The following IPCEF1 variants were observed in gnomAD, a reference collection of about 807,000 sequenced individuals.
IPCEF1 encodes the protein interactor protein for cytohesin exchange factors 1.
In IPCEF1, 31 loss-of-function variants were observed where a neutral mutation model predicts 50.9. The ratio of observed to expected loss-of-function variants is 0.61; its 90% confidence interval spans 0.46 to 0.82. The LOEUF (loss-of-function observed/expected upper bound fraction) is 0.82, where lower values mean the gene tolerates loss of function less well. Ranked by LOEUF, IPCEF1 falls within the 40% of genes least tolerant of loss-of-function variation. The pLI is 0.00. For missense variants in IPCEF1, 458 were observed against 514.0 expected (o/e 0.89, Z 1.05); for synonymous variants, 181 against 192.0 (o/e 0.94, Z 0.47).
chr6:154,303,027 C>A (rs1271332467), intron 1 of IPCEF1, among the ~76,000 whole-genome samples: 1 of 150,966 alleles, frequency 6.6e-6, no homozygotes, highest in Non-Finnish European at 1.5e-5. Context: ...AACCCAACAG[C>A]TTTAGTAAAT....
At chr6:154,322,604 G>A (rs555185268) in intron 1 of IPCEF1, among the ~76,000 whole-genome samples, 5 of 152,176 alleles carry the variant, frequency 3.3e-5, no homozygotes, top group East Asian at 3.9e-4. Context: ...TTGGGAGGCC[G>A]AGGGAGGCAG....
chr6:154,169,191 T>A (rs1235228276), intron 10 of IPCEF1, among the ~76,000 whole-genome samples: 1 of 151,972 alleles, frequency 6.6e-6, no homozygotes, highest in Non-Finnish European at 1.5e-5. Context: ...TAAAACCCGT[T>A]GTCTACTAAA....
At chr6:154,160,340 A>G (rs1746817529) in intron 11 of IPCEF1, among the ~76,000 whole-genome samples, 1 of 152,160 alleles carries the variant, frequency 6.6e-6, no homozygotes, top group South Asian at 2.1e-4. Context: ...TAACAATTCT[A>G]CCTTGGTGTG....
In IPCEF1 at chr6:154,159,547, T is replaced by TC. The variant is rs1266611285; in HGVS notation, c.*280dup. On this transcript the variant is annotated 3_prime_UTR_variant, in exon 12 of 12. Transcript: ENST00000367220. ...ATGAACAGAAGAGACATTTCTCACA[T>TC]CCCCCCTAGAGCCCCACATCACCGT... The TC allele has an allele frequency of 7.1e-6, 3 of 424,616 alleles. No individual in the cohort carries two copies. Among genetic ancestry groups the TC allele is most frequent in the African/African-American group, 2.1e-5 (1 of 47,776 alleles). 26.3% of individuals were successfully genotyped at this position (424,616 alleles called of 1,614,324 possible).
chr6:154,278,747 T>TA (rs1051659063), intron 2 of IPCEF1, among the ~76,000 whole-genome samples: 9 of 151,662 alleles, frequency 5.9e-5, no homozygotes, highest in African/African-American at 1.9e-4. Flanking sequence ...GATTAAAAGG[T>TA]AAAAAATCAA....
intron 1 of IPCEF1, among the ~76,000 whole-genome samples, chr6:154,332,496 G>A (rs1783696397): frequency 6.6e-6 from 1 of 152,036 alleles, no homozygotes; most frequent in Non-Finnish European, 1.5e-5. Flanking sequence ...AAGATGCTAT[G>A]TTTCAAGAAT....
chr6:154,328,911 A>C (rs890268224), intron 1 of IPCEF1, among the ~76,000 whole-genome samples: 2 of 152,252 alleles, frequency 1.3e-5, no homozygotes, highest in East Asian at 3.8e-4. Flanking sequence ...TGAACTTCAA[A>C]GTATTCTGTA....
At chr6:154,273,250 C>T (rs942671803) in intron 2 of IPCEF1, among the ~76,000 whole-genome samples, 3 of 152,170 alleles carry the variant, frequency 2.0e-5, no homozygotes, top group African/African-American at 4.8e-5. Context: ...CACAGGCAAA[C>T]AATGTGCGTT....
intron 3 of IPCEF1, among the ~76,000 whole-genome samples, chr6:154,261,821 A>G (rs1781609212): frequency 1.3e-5 from 2 of 151,998 alleles, no homozygotes; most frequent in Non-Finnish European, 2.9e-5. Flanking sequence ...CCTTCCCCCT[A>G]CCCCCAACAA....
rs1436595132 is a variant in IPCEF1 at position 154,157,544 on chromosome 6, A to G, written c.*2284T>C. 6.6e-6 allele frequency: 1 copy of G among 152,242 alleles called. No individual in the cohort carries two copies. The highest frequency in any genetic ancestry group is 6.5e-5 in the Admixed American group (1 of 15,292). The allele number at this position is 152,242 out of a possible 1,614,324, so 9.4% of individuals were successfully genotyped here. A position where few individuals can be genotyped will look rare whatever the true frequency, so the allele number is the denominator to read the frequency against. On this transcript the variant is annotated 3_prime_UTR_variant, in exon 12 of 12. Transcript: ENST00000367220. Reference sequence around the variant, plus strand: ...CTTTTTTGCCTTAAGTTTCAATGGTACTAAAGGAGTTTACAGTTGAAAGGC... The same window carrying G: ...CTTTTTTGCCTTAAGTTTCAATGGTGCTAAAGGAGTTTACAGTTGAAAGGC...
At chr6:154,352,757 T>G (rs1193168685) in intron 1 of IPCEF1, among the ~76,000 whole-genome samples, 1 of 152,208 alleles carries the variant, frequency 6.6e-6, no homozygotes, top group Non-Finnish European at 1.5e-5. Flanking sequence ...AGGGCCAAGA[T>G]TCTAACAACA....
Position 154,160,060 on chromosome 6 carries a change from G to A in IPCEF1, c.1105-20C>T, listed in dbSNP as rs1157675327. The A allele has an allele frequency of 6.4e-7, 1 of 1,571,018 alleles. No homozygotes were observed. The highest frequency in any genetic ancestry group is 8.7e-7 in the Non-Finnish European group (1 of 1,146,972). ...TTTACACTGTGTGAGTAGAAAAAAA[G>A]GGGAAGGGGGTATGTTGAGAGTGTC... On this transcript the variant is annotated intron_variant, in intron 11 of 11. Transcript: ENST00000367220.
At chr6:154,265,108 A>G (rs1322294367) in intron 3 of IPCEF1, among the ~76,000 whole-genome samples, 1 of 152,144 alleles carries the variant, frequency 6.6e-6, no homozygotes, top group Non-Finnish European at 1.5e-5. Context: ...CACTCCCCAC[A>G]GTCCCTTCTA....
At chr6:154,188,049 T>C (rs1801536966) in intron 10 of IPCEF1, among the ~76,000 whole-genome samples, 1 of 152,134 alleles carries the variant, frequency 6.6e-6, no homozygotes, top group South Asian at 2.1e-4. Context: ...GTAGCAGATA[T>C]AGTGTTTGGA....
intron 1 of IPCEF1, among the ~76,000 whole-genome samples, chr6:154,298,176 T>A (rs1782710173): frequency 6.6e-6 from 1 of 152,202 alleles, no homozygotes; most frequent in South Asian, 2.1e-4. Flanking sequence ...AATGGCAGAA[T>A]GCAAAGATTG....
intron 1 of IPCEF1, among the ~76,000 whole-genome samples, chr6:154,304,229 T>A (rs61547453): frequency 0.12 from 18,575 of 151,654 alleles, 2,297 homozygotes; most frequent in African/African-American, 0.32. Flanking sequence ...CTCAAAAAAA[T>A]TTTTTTAATT....
At chr6:154,180,097 T>C (rs1304476957) in intron 10 of IPCEF1, among the ~76,000 whole-genome samples, 1 of 152,142 alleles carries the variant, frequency 6.6e-6, no homozygotes, top group Non-Finnish European at 1.5e-5. Context: ...AGCAGCACTC[T>C]GTATTATCTC....
At chr6:154,220,961 C>G (rs1224374349) in intron 7 of IPCEF1, among the ~76,000 whole-genome samples, 1 of 152,212 alleles carries the variant, frequency 6.6e-6, no homozygotes, top group Non-Finnish European at 1.5e-5. Context: ...ACTTTCAAGC[C>G]TCTCTCCTTG....
intron 1 of IPCEF1, among the ~76,000 whole-genome samples, chr6:154,337,976 A>T (rs1372153419): frequency 6.6e-6 from 1 of 152,194 alleles, no homozygotes; most frequent in Non-Finnish European, 1.5e-5. Context: ...CAGAAGAGTT[A>T]AGTGGCCTGT....
Sources: allele counts gnomAD v4.1 joint callset (sites outside exome capture counted in the v4.1 genomes callset), GRCh38; gene constraint gnomAD v4.1.1; transcripts MANE v1.5; gene names NCBI Gene and HGNC (gene_info 2026-07-23, HGNC 2026-07-21).